Variants in TUSC3 observed in about 807,000 individuals in gnomAD.
The protein encoded by TUSC3 is tumor suppressor candidate 3.
Under a neutral mutation model 44.8 loss-of-function variants are expected in TUSC3, and 45 were observed. That is an observed-to-expected ratio of 1.00 (90% CI 0.79 to 1.29). The LOEUF (loss-of-function observed/expected upper bound fraction) is 1.29, where lower values mean the gene tolerates loss of function less well. Among genes scored for constraint, TUSC3 ranks in the 50% most tolerant of loss-of-function variants. The probability of loss-of-function intolerance (pLI) is 0.00; values close to 1 mark genes in which losing one functional copy is unlikely to be tolerated. For missense variants in TUSC3, 519 were observed against 437.9 expected, an observed-to-expected ratio of 1.19 and a Z score of -1.65; for synonymous variants, 212 against 152.9, an observed-to-expected ratio of 1.39 and a Z score of -2.85.
chr8:15,424,510 A>T (rs775838734), intron 1 of TUSC3, among the ~76,000 whole-genome samples: 5 of 152,174 alleles, frequency 3.3e-5, no homozygotes, highest in Admixed American at 1.3e-4. Flanking sequence ...GTTTCTGGGC[A>T]AACAAAAATG....
chr8:15,769,373 A>G (rs1229957380), downstream of TUSC3, among the ~76,000 whole-genome samples: 2 of 152,204 alleles, frequency 1.3e-5, no homozygotes, highest in African/African-American at 4.8e-5. Context: ...CTGGCTAGCT[A>G]TATGCAGAAA....
chr8:15,442,163 C>G (rs1337337279), intron 1 of TUSC3, among the ~76,000 whole-genome samples: 1 of 151,866 alleles, frequency 6.6e-6, no homozygotes, highest in Non-Finnish European at 1.5e-5. Context: ...ATTCTTATTA[C>G]TTCTTTGTCA....
chr8:15,700,885 T>C (rs1334986689), intron 6 of TUSC3, among the ~76,000 whole-genome samples: 1 of 140,782 alleles, frequency 7.1e-6, no homozygotes, highest in Non-Finnish European at 1.5e-5. Context: ...CTGTTGGTGT[T>C]TCTGGGTTGC....
intron 7 of TUSC3, among the ~76,000 whole-genome samples, chr8:15,736,345 A>G (rs1810936567): frequency 6.6e-6 from 1 of 152,244 alleles, no homozygotes; most frequent in African/African-American, 2.4e-5. Context: ...TAAGTGGAAT[A>G]TCATGAAGTG....
chr8:15,649,859 AG>A (rs1806810529), intron 2 of TUSC3, among the ~76,000 whole-genome samples: 1 of 151,594 alleles, frequency 6.6e-6, no homozygotes, highest in Admixed American at 6.6e-5. Context: ...TTTTGGGGAG[AG>A]GGGGGAGATA....
intron 1 of TUSC3, among the ~76,000 whole-genome samples, chr8:15,582,909 A>G (rs1803433407): frequency 6.6e-6 from 1 of 152,214 alleles, no homozygotes; most frequent in African/African-American, 2.4e-5. Context: ...TTCTTCAGAC[A>G]TACTGAAGAC....
At chr8:15,513,957 C>T (rs901641328) in intron 2 of TUSC3, among the ~76,000 whole-genome samples, 1 of 152,144 alleles carries the variant, frequency 6.6e-6, no homozygotes, top group Admixed American at 6.6e-5. Flanking sequence ...TTCCCACCTT[C>T]ATGCTCTCAG....
the TUSC3 span, among the ~76,000 whole-genome samples, chr8:15,841,632 G>C: frequency 1.3e-5 from 2 of 151,972 alleles, no homozygotes; most frequent in African/African-American, 4.8e-5. Context: ...TCCTACCCCA[G>C]TGTCCTGAGT....
At chr8:15,785,450 A>G in the TUSC3 span, among the ~76,000 whole-genome samples, 1 of 148,374 alleles carries the variant, frequency 6.7e-6, no homozygotes, top group African/African-American at 2.5e-5. Context: ...CACTTTTTTC[A>G]TTCCTTTTTT....
chr8:15,738,827 C>CTTTTTTTTTTCTTTTT (rs1373248681), intron 7 of TUSC3, among the ~76,000 whole-genome samples: 2 of 87,170 alleles, frequency 2.3e-5, no homozygotes, highest in African/African-American at 4.9e-5. Flanking sequence ...ATATATCTTG[C>CTTTTTTTTTTCTTTTT]TTTTTTTTTT....
chr8:15,421,295 G>A (rs117848049), intron 1 of TUSC3, among the ~76,000 whole-genome samples: 7 of 151,854 alleles, frequency 4.6e-5, no homozygotes, highest in Admixed American at 3.9e-4. Flanking sequence ...TATCACATCC[G>A]ACTCTATTAC....
chr8:15,584,760 T>C (rs1585126195), intron 1 of TUSC3, among the ~76,000 whole-genome samples: 1 of 152,124 alleles, frequency 6.6e-6, no homozygotes, highest in Admixed American at 6.6e-5. Context: ...ACAGGATTCA[T>C]TGACACAGGC....
intron 5 of TUSC3, among the ~76,000 whole-genome samples, chr8:15,672,455 C>T (rs1253186959): frequency 6.6e-6 from 1 of 151,950 alleles, no homozygotes; most frequent in Non-Finnish European, 1.5e-5. Context: ...ATATTATCCT[C>T]ATGCTATAGA....
chr8:15,477,440 ATATAAT>A (rs1393295719), intron 1 of TUSC3, among the ~76,000 whole-genome samples: 2 of 152,190 alleles, frequency 1.3e-5, no homozygotes, highest in Non-Finnish European at 1.5e-5. Flanking sequence ...AGGTTATAAA[ATATAAT>A]TATAGTGTGC....
In TUSC3 at chr8:15,764,359, G is replaced by C. The variant is rs1050490975; in HGVS notation, c.*203G>C. 6 of 844,852 alleles carry C rather than the reference G, an allele frequency of 7.1e-6. No individual in the cohort carries two copies. Among genetic ancestry groups the C allele is most frequent in the Non-Finnish European group, 1.1e-5 (6 of 544,712 alleles). 52.3% of individuals were successfully genotyped at this position (844,852 alleles called of 1,614,324 possible). A position where few individuals can be genotyped will look rare whatever the true frequency, so the allele number is the denominator to read the frequency against. On this transcript the variant is annotated 3_prime_UTR_variant, in exon 11 of 11. Transcript: ENST00000503731. ...TTTTTTTAAACTGTGGGTTTTCCTA[G>C]TAAATTTAATTTACAGAAATCAATG...
chr8:15,422,879 G>A (rs1397246819), intron 1 of TUSC3, among the ~76,000 whole-genome samples: 1 of 152,094 alleles, frequency 6.6e-6, no homozygotes, highest in Non-Finnish European at 1.5e-5. Context: ...CTGGGCTCTA[G>A]TGATCCACCC....
At chr8:15,743,810 G>T (rs573418957) in intron 8 of TUSC3, among the ~76,000 whole-genome samples, 198 bp downstream of exon 8, 7 of 152,128 alleles carry the variant, frequency 4.6e-5, no homozygotes, top group African/African-American at 1.7e-4. Flanking sequence ...GGACTGGGTC[G>T]TTTTCTGTTG....
At chr8:15,448,704 T>A (rs1224902078) in intron 1 of TUSC3, among the ~76,000 whole-genome samples, 1 of 152,090 alleles carries the variant, frequency 6.6e-6, no homozygotes. Flanking sequence ...GTGTTAAAAT[T>A]TGGATTATGA....
At chr8:15,564,569 A>T (rs1274232425) in intron 1 of TUSC3, among the ~76,000 whole-genome samples, 1 of 151,964 alleles carries the variant, frequency 6.6e-6, no homozygotes, top group Non-Finnish European at 1.5e-5. Flanking sequence ...TGTGTCTTTC[A>T]TTCTTTTATT....
Sources: allele counts gnomAD v4.1 joint callset (sites outside exome capture counted in the v4.1 genomes callset), GRCh38; gene constraint gnomAD v4.1.1; transcripts MANE v1.5; gene names NCBI Gene and HGNC (gene_info 2026-07-23, HGNC 2026-07-21).